The following NPSR1 variants were observed in gnomAD, a reference collection of about 807,000 sequenced individuals.
NPSR1 encodes the protein neuropeptide S receptor 1.
Under a neutral mutation model 46.9 loss-of-function variants are expected in NPSR1, and 48 were observed. The observed-to-expected ratio is 1.02, with a 90% confidence interval of 0.81 to 1.30. NPSR1 has a LOEUF of 1.30. Among genes scored for constraint, NPSR1 ranks in the 50% most tolerant of loss-of-function variants. The pLI is 0.00. For missense variants in NPSR1, 450 were observed against 449.5 expected, an observed-to-expected ratio of 1.00 and a Z score of -0.01; for synonymous variants, 176 against 168.1, an observed-to-expected ratio of 1.05 and a Z score of -0.36.
chr7:34,660,599 G>A (rs1791407204), intron 1 of NPSR1, among the ~76,000 whole-genome samples: 1 of 152,098 alleles, frequency 6.6e-6, no homozygotes, highest in Non-Finnish European at 1.5e-5. Context: ...AATAAAAATA[G>A]CAGCAGCAGT....
At chr7:34,855,011 G>A (rs1221834736) in intron 8 of NPSR1, among the ~76,000 whole-genome samples, 2 of 152,070 alleles carry the variant, frequency 1.3e-5, no homozygotes, top group South Asian at 2.1e-4. Context: ...AATAGGTTTG[G>A]AAGTTAGGAA....
Position 34,848,642 on chromosome 7 carries a change from G to A in NPSR1, c.1004G>A (p.Ser335Asn). ...CCCCTCATCTACTGTGTCTTCAGCAGCTCCATCTCTTTCCCCTGCAGGTAA... is the reference window on the plus strand; with the variant it reads ...CCCCTCATCTACTGTGTCTTCAGCAACTCCATCTCTTTCCCCTGCAGGTAA... The part of the protein sequence containing the change: ...INPLIYCVFS[S>N]SISFPCREQR... The change falls in exon 8 of 9, where the codon AGC (serine) becomes AAC (asparagine). Residue 335 changes from serine to asparagine, a missense_variant. Physicochemically the swap from Ser to Asn is conservative, Grantham distance 46. Coordinates refer to ENST00000360581, the MANE Select transcript of NPSR1 (RefSeq NM_207172.2). 2.5e-6 allele frequency: 4 copies of A among 1,614,016 alleles called. No homozygotes were observed. The highest frequency in any genetic ancestry group is 3.4e-6 in the Non-Finnish European group (4 of 1,179,988).
Position 34,827,539 on chromosome 7 carries a change from A to G in NPSR1, c.617A>G (p.Tyr206Cys). ...TGGGCCCTGTGGCCTGACGACTCCT[A>G]CTGGACCCCATACATGACCATCGTG... is the stretch of plus-strand genomic sequence containing the variant. ...QCWALWPDDS[Y>C]WTPYMTIVAF... The change falls in exon 5 of 9, where the codon TAC becomes TGC. Residue 206 changes from tyrosine (Y) to cysteine (C), a missense_variant. Physicochemically the swap from Tyr to Cys is radical, Grantham distance 194. Transcript: ENST00000360581. The G allele has an allele frequency of 6.2e-7, 1 of 1,605,270 alleles. No homozygotes were observed. Among genetic ancestry groups the G allele is most frequent in the South Asian group, 1.1e-5 (1 of 90,916 alleles).
intron 2 of NPSR1, among the ~76,000 whole-genome samples, chr7:34,724,113 C>T (rs1305777562): frequency 1.3e-5 from 2 of 152,158 alleles, no homozygotes; most frequent in African/African-American, 4.8e-5. Flanking sequence ...ATCACCCAAA[C>T]CTGAATTACT....
chr7:34,851,981 A>C (rs567812596), downstream of NPSR1, among the ~76,000 whole-genome samples: 2 of 152,278 alleles, frequency 1.3e-5, no homozygotes, highest in East Asian at 3.9e-4. Context: ...AGCTTGGAGA[A>C]ACATGATTTA....
intron 2 of NPSR1, among the ~76,000 whole-genome samples, chr7:34,699,206 G>A (rs1049246790): frequency 2.6e-5 from 4 of 152,190 alleles, no homozygotes; most frequent in Admixed American, 1.3e-4. Context: ...TTGACCAGGT[G>A]TGGTGGCTCA....
chr7:34,744,391 T>C (rs1455259696), intron 2 of NPSR1, among the ~76,000 whole-genome samples: 1 of 152,192 alleles, frequency 6.6e-6, no homozygotes, highest in East Asian at 1.9e-4. Flanking sequence ...TGAGAGCAAG[T>C]CTACATGTGC....
At chr7:34,773,462 G>C (rs747203956) in intron 2 of NPSR1, among the ~76,000 whole-genome samples, 1 of 152,144 alleles carries the variant, frequency 6.6e-6, no homozygotes, top group Non-Finnish European at 1.5e-5. Flanking sequence ...CCAGATAACA[G>C]TTAGCTGTGT....
At chr7:34,706,512 T>C (rs1228233241) in intron 2 of NPSR1, among the ~76,000 whole-genome samples, 1 of 152,186 alleles carries the variant, frequency 6.6e-6, no homozygotes, top group Non-Finnish European at 1.5e-5. Flanking sequence ...TTCTACTTTT[T>C]ATTGTTTCTG....
chr7:34,778,824 A>AT (rs1787101926), intron 3 of NPSR1, among the ~76,000 whole-genome samples: 1 of 152,166 alleles, frequency 6.6e-6, no homozygotes, highest in Non-Finnish European at 1.5e-5. Flanking sequence ...GTTAAATAAA[A>AT]TGTCTGGGTC....
At chr7:34,701,898 C>T (rs1793848073) in intron 2 of NPSR1, among the ~76,000 whole-genome samples, 1 of 152,210 alleles carries the variant, frequency 6.6e-6, no homozygotes, top group Admixed American at 6.5e-5. Context: ...AACATTTTTA[C>T]TTCCATTTGG....
rs572589631 is a variant in NPSR1 at position 34,803,336 on chromosome 7, G to T, written c.385-8434G>T. 2.2e-4 allele frequency among the ~76,000 whole-genome samples: 34 copies of T among 152,218 alleles called. 1 individual carries two copies. The South Asian group carries it at 6.8e-3, about 31-fold the overall frequency. On this transcript the variant is annotated intron_variant, in intron 3 of 8. Coordinates refer to ENST00000360581, the MANE Select transcript of NPSR1 (RefSeq NM_207172.2). ...CCAACCCAAATGTCCAACAGTGATA[G>T]ACTGGATTAAGAAAATGTGGCACAT...
At chr7:34,759,872 A>T (rs941660890) in intron 2 of NPSR1, among the ~76,000 whole-genome samples, 1 of 152,236 alleles carries the variant, frequency 6.6e-6, no homozygotes, top group Non-Finnish European at 1.5e-5. Flanking sequence ...TTTCCTGCAC[A>T]GGACCATCTA....
chr7:34,804,033 G>C (rs960323372), intron 3 of NPSR1, among the ~76,000 whole-genome samples: 1 of 151,676 alleles, frequency 6.6e-6, no homozygotes, highest in Non-Finnish European at 1.5e-5. Flanking sequence ...AAAACACCAG[G>C]CCCAGATGGG....
chr7:34,785,505 CACGTACCCTAAAACTT>C, intron 3 of NPSR1, among the ~76,000 whole-genome samples: 1 of 142,884 alleles, frequency 7.0e-6, no homozygotes, highest in Non-Finnish European at 1.5e-5. Flanking sequence ...ACATTGTGCA[CACGTACCCTAAAACTT>C]AAAGTATAAT....
chr7:34,837,993 G>A (rs1790433531), intron 6 of NPSR1, among the ~76,000 whole-genome samples: 1 of 152,144 alleles, frequency 6.6e-6, no homozygotes, highest in Non-Finnish European at 1.5e-5. Context: ...CCTGTCTTGT[G>A]GTTTCTGCCA....
intron 5 of NPSR1, among the ~76,000 whole-genome samples, chr7:34,833,042 A>T (rs2128759110): frequency 6.6e-6 from 1 of 152,332 alleles, no homozygotes; most frequent in Admixed American, 6.5e-5. Flanking sequence ...GAGCACTTGG[A>T]GGGGTTCACT....
chr7:34,792,665 T>TTATATATGTATATATATATATTTA lies in NPSR1; in HGVS notation c.384+14107_384+14108insGTATATATATATATTTATATATAT, dbSNP rs1584035354. Among the ~76,000 whole-genome samples, 21 of 78,778 alleles carry TTATATATGTATATATATATATTTA rather than the reference T, an allele frequency of 2.7e-4. 1 individual carries two copies. The East Asian group carries it at 5.3e-3, about 20-fold the overall frequency. 51.7% of individuals were successfully genotyped at this position (78,778 alleles called of 152,430 possible). ...TGTATATATATATGTATATATATAT[T>TTATATATGTATATATATATATTTA]TATATATATGTATATATATATATGT... On this transcript the variant is annotated intron_variant, in intron 3 of 8. Coordinates refer to ENST00000360581, the MANE Select transcript of NPSR1 (RefSeq NM_207172.2).
At chr7:34,688,682 C>T (rs1793063499) in intron 2 of NPSR1, among the ~76,000 whole-genome samples, 1 of 152,208 alleles carries the variant, frequency 6.6e-6, no homozygotes, top group South Asian at 2.1e-4. Context: ...TTTCCCCAGA[C>T]ATATCACCCA....
Sources: gnomAD v4.1 joint callset for allele counts (sites outside exome capture counted in the v4.1 genomes callset) on GRCh38, gnomAD v4.1.1 for gene constraint, MANE v1.5 for transcripts, NCBI Gene and HGNC (gene_info 2026-07-23, HGNC 2026-07-21) for gene names.